PTPRD: variants seen among roughly 807,000 people sequenced by gnomAD.
The protein encoded by PTPRD is protein tyrosine phosphatase receptor type D.
In PTPRD, 34 loss-of-function variants were observed where a neutral mutation model predicts 214.5. The ratio of observed to expected loss-of-function variants is 0.16; its 90% CI spans 0.12 to 0.21. The LOEUF (loss-of-function observed/expected upper bound fraction) is 0.21. Among genes scored for constraint, PTPRD ranks in the 10% least tolerant of loss-of-function variants. The pLI is 1.00. For missense variants in PTPRD, 2,545 were observed against 2,398.7 expected, an observed-to-expected ratio of 1.06 and a Z score of -1.27; for synonymous variants, 1,128 against 845.7, an observed-to-expected ratio of 1.33 and a Z score of -5.79.
chr9:9,357,185 A>G (rs181928372), intron 9 of PTPRD, among the ~76,000 whole-genome samples: 2 of 151,452 alleles, frequency 1.3e-5, no homozygotes, highest in African/African-American at 4.8e-5. Context: ...AGACACCAGC[A>G]CAATCTGGTT....
intron 2 of PTPRD, among the ~76,000 whole-genome samples, chr9:10,407,651 C>A (rs2098385656): frequency 1.3e-5 from 2 of 151,424 alleles, no homozygotes; most frequent in South Asian, 2.1e-4. Context: ...GTTTAGTGAA[C>A]TTAGTTTACT....
chr9:8,640,561 C>CAAAAAAAAAA (rs201282830), intron 12 of PTPRD, among the ~76,000 whole-genome samples: 24 of 105,404 alleles, frequency 2.3e-4, no homozygotes, highest in African/African-American at 3.8e-4. Flanking sequence ...AACAAAAAAA[C>CAAAAAAAAAA]AAAAAAAAAA....
At chr9:8,578,519 C>T (rs1476282225) in intron 14 of PTPRD, among the ~76,000 whole-genome samples, 1 of 152,124 alleles carries the variant, frequency 6.6e-6, no homozygotes, top group African/African-American at 2.4e-5. Flanking sequence ...GAAAAATTCT[C>T]TAGGCTGTCA....
At chr9:9,974,932 A>G (rs1221676268) in intron 4 of PTPRD, among the ~76,000 whole-genome samples, 3 of 152,186 alleles carry the variant, frequency 2.0e-5, no homozygotes, top group African/African-American at 7.2e-5. Context: ...AGATATTTAT[A>G]GTATATTAAG....
chr9:8,684,268 T>C (rs755656833), intron 12 of PTPRD, among the ~76,000 whole-genome samples: 7 of 152,188 alleles, frequency 4.6e-5, no homozygotes, highest in Non-Finnish European at 8.8e-5. Flanking sequence ...AAAACAAGTA[T>C]TATGTCCCAA....
chr9:8,990,199 G>C (rs1436259903), intron 11 of PTPRD, among the ~76,000 whole-genome samples: 1 of 152,080 alleles, frequency 6.6e-6, no homozygotes, highest in Non-Finnish European at 1.5e-5. Flanking sequence ...CATTCAACTG[G>C]CCTCTGGACT....
intron 7 of PTPRD, among the ~76,000 whole-genome samples, chr9:9,652,617 CTT>C (rs112986308): frequency 1.7e-4 from 24 of 143,934 alleles, no homozygotes; most frequent in Admixed American, 7.7e-4. Context: ...TAATATACCA[CTT>C]TTTTTTTTTT....
At chr9:8,980,112 G>T (rs976057904) in intron 11 of PTPRD, among the ~76,000 whole-genome samples, 6 of 152,106 alleles carry the variant, frequency 3.9e-5, no homozygotes, top group African/African-American at 1.2e-4. Context: ...ATTGCATTAA[G>T]TGAAATAAGC....
chr9:9,707,622 G>C (rs1316458250), intron 7 of PTPRD, among the ~76,000 whole-genome samples: 2 of 151,966 alleles, frequency 1.3e-5, no homozygotes, highest in Non-Finnish European at 2.9e-5. Context: ...GAAGTTATTA[G>C]CAAAAAATAG....
chr9:10,356,358 T>C lies in PTPRD; in HGVS notation c.-599-15341A>G, dbSNP rs561514143. ...GAAGGGATACATAAGACTCACTGAA[T>C]AGATATTTCTCTCAAATTGGTTTGT... On this transcript the variant is annotated intron_variant, in intron 2 of 45. Coordinates refer to ENST00000381196, the MANE Select transcript of PTPRD (RefSeq NM_002839.4). Among the ~76,000 whole-genome samples the C allele has an allele frequency of 7.9e-5, 12 of 152,320 alleles. No individual in the cohort carries two copies. The South Asian group carries it at 2.3e-3, about 29-fold the overall frequency.
At chr9:8,339,992 T>A (rs1393959025) in intron 42 of PTPRD, among the ~76,000 whole-genome samples, 1 of 152,040 alleles carries the variant, frequency 6.6e-6, no homozygotes, top group Non-Finnish European at 1.5e-5. Context: ...AGTTCCTTCA[T>A]AAGTAGAAAT....
intron 30 of PTPRD, among the ~76,000 whole-genome samples, chr9:8,478,889 C>G (rs916071302): frequency 3.3e-5 from 5 of 152,214 alleles, no homozygotes; most frequent in Admixed American, 2.0e-4. Context: ...TCCTCATTAA[C>G]TTGGCCAGAA....
At chr9:9,287,460 T>G (rs1323142881) in intron 9 of PTPRD, among the ~76,000 whole-genome samples, 1 of 151,926 alleles carries the variant, frequency 6.6e-6, no homozygotes, top group South Asian at 2.1e-4. Context: ...ATAATTTTTC[T>G]ATCCAGCCAG....
At chr9:9,251,369 T>A (rs1191847742) in intron 9 of PTPRD, among the ~76,000 whole-genome samples, 1 of 152,228 alleles carries the variant, frequency 6.6e-6, no homozygotes, top group South Asian at 2.1e-4. Flanking sequence ...TAGCAATATA[T>A]CTTCTATATC....
intron 5 of PTPRD, among the ~76,000 whole-genome samples, chr9:9,900,121 C>G (rs2153806053): frequency 1.3e-5 from 2 of 152,310 alleles, no homozygotes; most frequent in South Asian, 4.1e-4. Context: ...TGTTCCACAG[C>G]TGCATTAAGT....
intron 8 of PTPRD, among the ~76,000 whole-genome samples, chr9:9,559,304 G>T (rs1057197996): frequency 2.0e-5 from 3 of 152,262 alleles, no homozygotes; most frequent in Non-Finnish European, 4.4e-5. Flanking sequence ...TCTGGGAGTT[G>T]GTTACCCATG....
At chr9:9,938,347 G>A (rs1036577163) in intron 5 of PTPRD, among the ~76,000 whole-genome samples, 160 bp downstream of exon 5, 7 of 152,092 alleles carry the variant, frequency 4.6e-5, no homozygotes, top group Admixed American at 2.0e-4. Flanking sequence ...AGACACTATC[G>A]AATTTTAAAA....
intron 9 of PTPRD, among the ~76,000 whole-genome samples, chr9:9,264,822 G>T (rs1376523431): frequency 6.6e-6 from 1 of 150,962 alleles, no homozygotes; most frequent in Non-Finnish European, 1.5e-5. Flanking sequence ...GATCCTCCAT[G>T]AGATTATCAG....
At chr9:10,580,958 C>G (rs562756126) in intron 2 of PTPRD, among the ~76,000 whole-genome samples, 2 of 152,120 alleles carry the variant, frequency 1.3e-5, no homozygotes, top group Admixed American at 1.3e-4. Context: ...GTCAGAGAAG[C>G]ACTGTTCTCA....
Sources: allele counts gnomAD v4.1 joint callset (sites outside exome capture counted in the v4.1 genomes callset), GRCh38; gene constraint gnomAD v4.1.1; transcripts MANE v1.5; gene names NCBI Gene and HGNC (gene_info 2026-07-23, HGNC 2026-07-21).